DIP2C: variants seen among roughly 807,000 people sequenced by gnomAD.
DIP2C encodes the protein DIP2 acetate--CoA ligase C (putative).
In DIP2C, 33 loss-of-function variants were observed where a neutral mutation model predicts 192.4. That is an observed-to-expected ratio of 0.17 (90% CI 0.13 to 0.23). The LOEUF is 0.23. Ranked by LOEUF, DIP2C falls within the 10% of genes least tolerant of loss-of-function variation. The pLI is 1.00. For missense variants in DIP2C, 1,537 were observed against 2,110.1 expected, an observed-to-expected ratio of 0.73 and a Z score of 5.32; for synonymous variants, 979 against 864.1, an observed-to-expected ratio of 1.13 and a Z score of -2.33.
chr10:661,082 A>G (rs1856729892), intron 1 of DIP2C, among the ~76,000 whole-genome samples: 1 of 152,244 alleles, frequency 6.6e-6, no homozygotes, highest in African/African-American at 2.4e-5. Flanking sequence ...AAGACACACT[A>G]GAATTAGCCA....
At chr10:477,153 G>A (rs1843092609) in intron 2 of DIP2C, among the ~76,000 whole-genome samples, 1 of 147,976 alleles carries the variant, frequency 6.8e-6, no homozygotes. Flanking sequence ...CAGGAAGAAG[G>A]AAAAGGTCAA....
intron 3 of DIP2C, among the ~76,000 whole-genome samples, chr10:444,022 G>A (rs1028748752): frequency 6.6e-6 from 1 of 152,118 alleles, no homozygotes; most frequent in African/African-American, 2.4e-5. Context: ...ATCCCCTCCC[G>A]GTCAATCCTG....
At position 651,262 on chromosome 10, in the gene DIP2C, A is replaced by C; in HGVS notation, c.85+38232T>G. On this transcript the variant is annotated intron_variant, in intron 1 of 36. Transcript: ENST00000280886. This position sits in a 1 kb window ranked among gnomAD's most constrained non-coding sequence, Gnocchi z 4.1. The stretch of plus-strand genomic sequence containing the variant: ...CGTCACAGCGTGGGTTCCGGTCACC[A>C]GTCGGCCTCCCCCACCAACGTGGAC... The C allele has an allele frequency of 1.4e-6, 1 of 714,924 alleles. No individual in the cohort carries two copies. The highest frequency in any genetic ancestry group is 2.6e-6 in the Non-Finnish European group (1 of 385,106). The allele number at this position is 714,924 out of a possible 1,614,324, so 44.3% of individuals were successfully genotyped here.
chr10:649,387 C>G (rs1855716769), intron 1 of DIP2C, among the ~76,000 whole-genome samples: 1 of 152,164 alleles, frequency 6.6e-6, no homozygotes, highest in African/African-American at 2.4e-5. Flanking sequence ...TGGGAGGGAA[C>G]AGAGGGAAAC....
chr10:618,822 C>G (rs919067812), intron 1 of DIP2C, among the ~76,000 whole-genome samples: 3 of 152,230 alleles, frequency 2.0e-5, no homozygotes, highest in African/African-American at 7.2e-5. Context: ...CACACGGCCA[C>G]GTTCAGGCTG....
rs769578393 is a variant in DIP2C at position 341,344 on chromosome 10, G to C, written c.3454-15C>G. On this transcript the variant is annotated splice_polypyrimidine_tract_variant and intron_variant, in intron 28 of 36. Coordinates refer to ENST00000280886, the MANE Select transcript of DIP2C (RefSeq NM_014974.3). ...GCGTGAGACATCTGCAAAATACAAGGCTGTGTTAAACGCATCGGACCTGAC... is the reference window on the plus strand; with the variant it reads ...GCGTGAGACATCTGCAAAATACAAGCCTGTGTTAAACGCATCGGACCTGAC... 6.2e-7 allele frequency: 1 copy of C among 1,613,454 alleles called. No homozygotes were observed. The highest frequency in any genetic ancestry group is 8.5e-7 in the Non-Finnish European group (1 of 1,179,990).
rs373201799 is a variant in DIP2C at position 422,878 on chromosome 10, C to T, written c.550G>A (p.Gly184Arg). ...STTSSSSTQS[G>R]GSGAAHRLAD... ...AGCCTGTGGGCAGCCCCGCTGCCCC[C>T]GCTCTGCGTAGAGGACGAGGAGGTG... The change falls in exon 5 of 37, where the codon GGG (glycine) becomes AGG (arginine). Residue 184 changes from glycine to arginine, a missense_variant. Around this residue, in one of 4 missense-constraint regions of DIP2C, gnomAD observed 473 missense variants for 539.6 expected, o/e 0.88. Coordinates refer to ENST00000280886, the MANE Select transcript of DIP2C (RefSeq NM_014974.3). 5.0e-6 allele frequency: 8 copies of T among 1,613,538 alleles called. No individual in the cohort carries two copies. The highest frequency in any genetic ancestry group is 6.8e-6 in the Non-Finnish European group (8 of 1,180,024).
chr10:399,467 T>C (rs1254090740), intron 9 of DIP2C, among the ~76,000 whole-genome samples: 3 of 152,238 alleles, frequency 2.0e-5, no homozygotes, highest in African/African-American at 7.2e-5. Context: ...TTCTGCATAC[T>C]ACCTTCCATA....
In DIP2C at chr10:277,117, C is replaced by A. The variant is rs1222238950; in HGVS notation, c.*208G>T. 1.6e-6 allele frequency: 1 copy of A among 635,764 alleles called. No individual in the cohort carries two copies. The highest frequency in any genetic ancestry group is 1.8e-5 in the African/African-American group (1 of 54,576). The allele number at this position is 635,764 out of a possible 1,614,324, so 39.4% of individuals were successfully genotyped here. On this transcript the variant is annotated 3_prime_UTR_variant, in exon 37 of 37. Transcript: ENST00000280886. ...CTGAAGGCAGTAATCCAAAGTCCTT[C>A]TGAGCGAAATTCAGTGGTAAATTCA...
At chr10:670,619 G>A (rs1352585643) in intron 1 of DIP2C, among the ~76,000 whole-genome samples, 2 of 152,078 alleles carry the variant, frequency 1.3e-5, no homozygotes, top group Non-Finnish European at 2.9e-5. Context: ...ATTTACATAA[G>A]GAACAGAAAA....
intron 1 of DIP2C, among the ~76,000 whole-genome samples, chr10:525,907 C>T (rs1377522742): frequency 6.6e-6 from 1 of 152,198 alleles, no homozygotes; most frequent in Non-Finnish European, 1.5e-5. Flanking sequence ...GGTCTGTGCC[C>T]AGGAATCTGC....
Position 390,350 on chromosome 10 carries a change from C to A in DIP2C, c.1408G>T (p.Val470Phe). 1.2e-6 allele frequency: 2 copies of A among 1,613,970 alleles called. No homozygotes were observed. Among genetic ancestry groups the A allele is most frequent in the Non-Finnish European group, 1.7e-6 (2 of 1,180,002 alleles). Reference sequence around the variant, plus strand: ...TTGGAGAGATGTTTAGACTCTGTGACAAACCACAGCAGCTTTGGCCAACCT... The same window carrying A: ...TTGGAGAGATGTTTAGACTCTGTGAAAAACCACAGCAGCTTTGGCCAACCT... ...FKGWPKLLWF[V>F]TESKHLSKPP... The change falls in exon 12 of 37, where the codon GTC (valine) becomes TTC (phenylalanine). Residue 470 changes from valine (V) to phenylalanine (F), a missense_variant. Val to Phe is a conservative substitution (Grantham distance 50, BLOSUM62 -1). Transcript: ENST00000280886.
intron 11 of DIP2C, 54 bp downstream of exon 11, chr10:390,686 C>T (rs1041450218): frequency 5.1e-5 from 80 of 1,582,180 alleles, no homozygotes; most frequent in Non-Finnish European, 5.7e-5. Context: ...TTCCCGCACC[C>T]GTCTTCTGAC....
chr10:619,278 C>T (rs1853680220), intron 1 of DIP2C, among the ~76,000 whole-genome samples: 1 of 152,228 alleles, frequency 6.6e-6, no homozygotes, highest in Non-Finnish European at 1.5e-5. Context: ...CCCCAAACAA[C>T]ACGAACTTAT....
At chr10:391,414 CTG>C (rs1963446658) in intron 10 of DIP2C, among the ~76,000 whole-genome samples, 1 of 152,248 alleles carries the variant, frequency 6.6e-6, no homozygotes, top group South Asian at 2.1e-4. Flanking sequence ...AACGAACTAA[CTG>C]AAGCTTGCTG....
At chr10:645,146 C>G (rs1855384181) in intron 1 of DIP2C, among the ~76,000 whole-genome samples, 1 of 152,202 alleles carries the variant, frequency 6.6e-6, no homozygotes, top group Admixed American at 6.5e-5. Context: ...TCAGACTTCT[C>G]CTCTACAACA....
chr10:368,870 T>C (rs1483783922), intron 18 of DIP2C, among the ~76,000 whole-genome samples: 1 of 152,256 alleles, frequency 6.6e-6, no homozygotes, highest in African/African-American at 2.4e-5. Context: ...GGGCTGATGC[T>C]GCCTGTGACC....
At position 527,534 on chromosome 10, in the gene DIP2C, G is replaced by C. The variant is rs939197209; in HGVS notation, c.86-41004C>G. Among the ~76,000 whole-genome samples the C allele has an allele frequency of 4.6e-5, 7 of 152,214 alleles. 1 individual carries two copies. Among genetic ancestry groups the C allele is most frequent in the Non-Finnish European group, 8.8e-5 (6 of 68,034 alleles). Reference sequence around the variant, plus strand: ...AAAATTCAAGTAGCAGCAAGAGTTTGTTGAAAGTAACTTCCACCAAATGGA... The same window carrying C: ...AAAATTCAAGTAGCAGCAAGAGTTTCTTGAAAGTAACTTCCACCAAATGGA... On this transcript the variant is annotated intron_variant, in intron 1 of 36. Transcript: ENST00000280886.
chr10:583,879 AC>A (rs1338837159), intron 1 of DIP2C, among the ~76,000 whole-genome samples: 1 of 152,222 alleles, frequency 6.6e-6, no homozygotes. Context: ...GCCAGACGCC[AC>A]TTCTCCAAGA....
Sources: allele counts gnomAD v4.1 joint callset (sites outside exome capture counted in the v4.1 genomes callset), GRCh38; gene constraint gnomAD v4.1.1; regional missense constraint gnomAD v4.1.1; non-coding constraint Gnocchi (gnomAD v3.1); transcripts MANE v1.5; gene names NCBI Gene and HGNC (gene_info 2026-07-23, HGNC 2026-07-21).